Variants in C10orf90 observed in about 807,000 individuals in gnomAD.
The protein encoded by C10orf90 is (E2-independent) E3 ubiquitin-conjugating enzyme FATS.
A neutral mutation model predicts 62.5 loss-of-function variants in C10orf90; 56 were observed. The ratio of observed to expected loss-of-function variants is 0.90; its 90% CI spans 0.72 to 1.12. The LOEUF is 1.12. C10orf90 is among the 50% of genes most tolerant of loss of function. C10orf90 has a pLI of 0.00. For missense variants in C10orf90, 970 were observed against 880.4 expected (o/e 1.10, Z -1.29); for synonymous variants, 386 against 340.4 (o/e 1.13, Z -1.47).
At chr10:126,560,298 A>G (rs1864872474) in intron 2 of C10orf90, among the ~76,000 whole-genome samples, 1 of 152,214 alleles carries the variant, frequency 6.6e-6, no homozygotes, top group South Asian at 2.1e-4. Flanking sequence ...TTCACTTGCA[A>G]TAGGAGGAAA....
intron 2 of C10orf90, among the ~76,000 whole-genome samples, chr10:126,516,252 G>A (rs564584750): frequency 1.2e-4 from 18 of 152,320 alleles, no homozygotes; most frequent in African/African-American, 3.8e-4. Flanking sequence ...TGAGGATATC[G>A]TATGGAAAGC....
chr10:126,629,010 C>T (rs1034358233), intron 2 of C10orf90, among the ~76,000 whole-genome samples: 2 of 152,166 alleles, frequency 1.3e-5, no homozygotes, highest in Non-Finnish European at 2.9e-5. Context: ...CTGTAAGAAT[C>T]GGGGCTCTTA....
chr10:126,461,516 G>A lies in C10orf90; in HGVS notation c.1895C>T (p.Pro632Leu), dbSNP rs750464968. 6.2e-7 allele frequency: 1 copy of A among 1,613,944 alleles called. No homozygotes were observed. The highest frequency in any genetic ancestry group is 8.5e-7 in the Non-Finnish European group (1 of 1,179,976). The change falls in exon 6 of 10, where the codon CCT (proline) becomes CTT (leucine). Residue 632 changes from proline to leucine, a missense_variant. Physicochemically the swap from Pro to Leu is moderately conservative, Grantham distance 98. Coordinates refer to ENST00000488181, the MANE Select transcript of C10orf90 (RefSeq NM_001350921.2). Reference protein sequence around the residue: ...ECKKSEDPTTPEPSPAAPSPA... With the variant: ...ECKKSEDPTTLEPSPAAPSPA... ...CGAGGGTGCTGCTGGGGAGGGCTCA[G>A]GTGTGGTGGGGTCCTCACTCTTCTT... is the stretch of plus-strand genomic sequence containing the variant.
chr10:126,665,450 G>A (rs1379327184), intron 1 of C10orf90, among the ~76,000 whole-genome samples: 1 of 152,184 alleles, frequency 6.6e-6, no homozygotes, highest in Non-Finnish European at 1.5e-5. Flanking sequence ...TAACTTGAGT[G>A]CTTTTATTTT....
At chr10:126,458,621 G>C (rs1212569461) in intron 7 of C10orf90, among the ~76,000 whole-genome samples, 1 of 152,192 alleles carries the variant, frequency 6.6e-6, no homozygotes, top group Non-Finnish European at 1.5e-5. Flanking sequence ...CTCACAGCAG[G>C]AAAGGGGTTT....
intron 2 of C10orf90, among the ~76,000 whole-genome samples, chr10:126,526,062 A>ACACACACACACAC (rs1591069594): frequency 2.0e-5 from 3 of 149,448 alleles, no homozygotes; most frequent in African/African-American, 7.4e-5. Flanking sequence ...ACACACACAC[A>ACACACACACACAC]AAAGAAGCAG....
chr10:126,562,357 CA>C (rs1864922069), intron 2 of C10orf90, among the ~76,000 whole-genome samples: 1 of 152,204 alleles, frequency 6.6e-6, no homozygotes, highest in Non-Finnish European at 1.5e-5. Context: ...TGGACATCCA[CA>C]ACCAACACTC....
Position 126,454,448 on chromosome 10 carries a change from T to C in C10orf90, c.2188+4592A>G, listed in dbSNP as rs547071795. Among the ~76,000 whole-genome samples the C allele has an allele frequency of 2.9e-3, 444 of 151,892 alleles. 1 individual carries two copies. The highest frequency in any genetic ancestry group is 4.7e-3 in the Non-Finnish European group (322 of 67,908). ...CTGCAGAGGTTGTAACTTTACTACC[T>C]ACAAGGGCTGTACCTTCTACAATCT... On this transcript the variant is annotated intron_variant, in intron 7 of 9. Transcript: ENST00000488181.
intron 2 of C10orf90, among the ~76,000 whole-genome samples, chr10:126,548,400 C>T (rs149545527): frequency 2.6e-5 from 4 of 152,298 alleles, no homozygotes; most frequent in East Asian, 1.9e-4. Context: ...AAGTCTCTCG[C>T]TCTGTCACCA....
chr10:126,532,177 T>C (rs1864111422), intron 2 of C10orf90, among the ~76,000 whole-genome samples: 1 of 152,166 alleles, frequency 6.6e-6, no homozygotes, highest in African/African-American at 2.4e-5. Flanking sequence ...CTGGTTTTCT[T>C]CCATCTCATT....
intron 2 of C10orf90, among the ~76,000 whole-genome samples, chr10:126,622,610 A>G (rs1464714136): frequency 6.6e-6 from 1 of 152,180 alleles, no homozygotes. Flanking sequence ...AACTGTCAAT[A>G]GTGCTAAGGT....
At chr10:126,489,088 C>T (rs1328287687) in intron 4 of C10orf90, among the ~76,000 whole-genome samples, 2 of 151,952 alleles carry the variant, frequency 1.3e-5, no homozygotes, top group African/African-American at 2.4e-5. Context: ...AAACAACATA[C>T]CAATATTCCT....
At chr10:126,632,755 A>G (rs1173571007) in intron 2 of C10orf90, among the ~76,000 whole-genome samples, 1 of 151,994 alleles carries the variant, frequency 6.6e-6, no homozygotes, top group Non-Finnish European at 1.5e-5. Flanking sequence ...GTGCCATTAT[A>G]TTTACTTTGC....
chr10:126,657,808 G>T (rs1295261519), intron 1 of C10orf90, among the ~76,000 whole-genome samples: 1 of 151,928 alleles, frequency 6.6e-6, no homozygotes, highest in East Asian at 1.9e-4. Flanking sequence ...TAGAGACAGG[G>T]TTTCTCCATG....
intron 4 of C10orf90, among the ~76,000 whole-genome samples, chr10:126,475,810 T>G (rs1435476551): frequency 6.6e-6 from 1 of 152,160 alleles, no homozygotes; most frequent in African/African-American, 2.4e-5. Flanking sequence ...GACCAAACAG[T>G]AGGCCTAAGG....
At chr10:126,617,823 C>T (rs1434774036) in intron 2 of C10orf90, among the ~76,000 whole-genome samples, 4 of 152,168 alleles carry the variant, frequency 2.6e-5, no homozygotes. Context: ...CTACCTCTGT[C>T]CTACCTTGTG....
chr10:126,631,284 C>T lies in C10orf90; in HGVS notation c.313+15281G>A, dbSNP rs573524427. ...CTCCAACTCGTTTTCCTACTACTCA[C>T]GCCATTTCTTGGTAGGATCAAGCCA... On this transcript the variant is annotated intron_variant, in intron 2 of 9. Transcript: ENST00000488181. Among the ~76,000 whole-genome samples, 11 of 152,280 alleles carry T rather than the reference C, an allele frequency of 7.2e-5. No individual in the cohort carries two copies. In the South Asian group the frequency reaches 1.0e-3, roughly 14 times the overall value.
At chr10:126,547,205 G>T (rs1419123688) in intron 2 of C10orf90, among the ~76,000 whole-genome samples, 1 of 151,982 alleles carries the variant, frequency 6.6e-6, no homozygotes, top group African/African-American at 2.4e-5. Context: ...GGATCAGGAG[G>T]TCAGGAGATC....
intron 1 of C10orf90, among the ~76,000 whole-genome samples, chr10:126,662,422 C>A (rs1846534525): frequency 6.6e-6 from 1 of 152,180 alleles, no homozygotes; most frequent in South Asian, 2.1e-4. Flanking sequence ...TTTCTCCCTA[C>A]ACAGCACAGA....
Sources: gnomAD v4.1 joint callset for allele counts (sites outside exome capture counted in the v4.1 genomes callset) on GRCh38, gnomAD v4.1.1 for gene constraint, MANE v1.5 for transcripts, NCBI Gene and HGNC (gene_info 2026-07-23, HGNC 2026-07-21) for gene names.